DIAPH2: variants seen among roughly 807,000 people sequenced by gnomAD.
The protein encoded by DIAPH2 is protein diaphanous homolog 2.
DIAPH2 carries 35 observed loss-of-function variants against 92.7 expected under a neutral mutation model. The ratio of observed to expected loss-of-function variants is 0.38; its 90% CI spans 0.29 to 0.50. The LOEUF (loss-of-function observed/expected upper bound fraction) is 0.50, where lower values mean the gene tolerates loss of function less well. DIAPH2 is among the 20% of genes least tolerant of loss of function. The probability of loss-of-function intolerance (pLI) is 0.94; values close to 1 mark genes in which losing one functional copy is unlikely to be tolerated. For missense variants in DIAPH2, 701 were observed against 819.5 expected (o/e 0.86, Z 1.77); for synonymous variants, 301 against 280.4 (o/e 1.07, Z -0.73).
intron 23 of DIAPH2, among the ~76,000 whole-genome samples, chrX:97,297,076 CTTTTTTTTTTTTTTTT>C (rs57145821): frequency 8.7e-4 from 18 of 20,731 alleles, no homozygotes; most frequent in South Asian, 9.9e-3. Context: ...CAGGCCTGGC[CTTTTTTTTTTTTTTTT>C]TTTTTTTTTT....
chrX:97,500,014 G>A (rs1036195091), intron 26 of DIAPH2, among the ~76,000 whole-genome samples: 9 of 112,294 alleles, frequency 8.0e-5, no homozygotes, highest in Non-Finnish European at 9.4e-5. Context: ...ATATGGGCTA[G>A]CTGTTTGTTA....
At chrX:97,536,352 C>T (rs1186679187) in intron 26 of DIAPH2, among the ~76,000 whole-genome samples, 1 of 111,880 alleles carries the variant, frequency 8.9e-6, no homozygotes, top group Admixed American at 9.5e-5. Context: ...CACACTAGTA[C>T]TTCTGGCTCA....
chrX:96,764,874 G>A, intron 4 of DIAPH2, among the ~76,000 whole-genome samples: 1 of 111,239 alleles, frequency 9.0e-6, no homozygotes, highest in South Asian at 3.9e-4. Context: ...ACGAGTTTGG[G>A]GAGATAAGAG....
At chrX:96,864,083 C>T (rs1217906358) in intron 4 of DIAPH2, among the ~76,000 whole-genome samples, 1 of 110,931 alleles carries the variant, frequency 9.0e-6, no homozygotes, top group East Asian at 2.8e-4. Flanking sequence ...TTAATGGCTG[C>T]ATAATATTCC....
chrX:97,021,078 AGAT>A (rs746454062), intron 17 of DIAPH2, among the ~76,000 whole-genome samples: 1 of 112,531 alleles, frequency 8.9e-6, no homozygotes, highest in African/African-American at 3.2e-5. Flanking sequence ...TGGTTTCTTC[AGAT>A]GTTCTTAACT....
At chrX:96,876,868 C>A (rs1325961766) in intron 4 of DIAPH2, among the ~76,000 whole-genome samples, 1 of 110,328 alleles carries the variant, frequency 9.1e-6, no homozygotes, top group Non-Finnish European at 1.9e-5. Context: ...ATGTAACAAA[C>A]CTGCACGTTA....
chrX:97,227,420 AAT>A (rs1263771523), intron 22 of DIAPH2, among the ~76,000 whole-genome samples: 1 of 112,294 alleles, frequency 8.9e-6, no homozygotes, highest in Non-Finnish European at 1.9e-5. Flanking sequence ...ATTAGATAGT[AAT>A]ATGTTTGTTC....
intron 23 of DIAPH2, among the ~76,000 whole-genome samples, chrX:97,248,078 G>A (rs1456239088): frequency 8.9e-6 from 1 of 111,927 alleles, no homozygotes; most frequent in East Asian, 2.8e-4. Flanking sequence ...CCATTTGAAA[G>A]CCCACAGGAT....
chrX:97,406,820 A>G (rs189684727), intron 25 of DIAPH2, among the ~76,000 whole-genome samples: 31 of 111,757 alleles, frequency 2.8e-4, no homozygotes, highest in African/African-American at 8.7e-4. Flanking sequence ...TAGGTGAGCA[A>G]CTCATAAAAA....
intron 22 of DIAPH2, among the ~76,000 whole-genome samples, chrX:97,181,097 T>C (rs185960742): frequency 5.4e-5 from 6 of 111,014 alleles, no homozygotes; most frequent in African/African-American, 1.3e-4. Flanking sequence ...TTTGATGGGT[T>C]CTTGCTCTGT....
intron 4 of DIAPH2, among the ~76,000 whole-genome samples, chrX:96,835,679 T>G (rs1402971228): frequency 8.9e-6 from 1 of 112,485 alleles, no homozygotes; most frequent in African/African-American, 3.2e-5. Context: ...AGTAGAGATT[T>G]GCTTTTATCA....
intron 22 of DIAPH2, among the ~76,000 whole-genome samples, chrX:97,241,101 CA>C (rs1235201911): frequency 9.0e-6 from 1 of 111,570 alleles, no homozygotes; most frequent in Non-Finnish European, 1.9e-5. Context: ...GCTGGCCTTC[CA>C]GGCTCCAGAA....
intron 5 of DIAPH2, chrX:96,884,845 AGT>A (rs2147751632): frequency 8.3e-7 from 1 of 1,211,441 alleles, no homozygotes; most frequent in East Asian, 3.0e-5. Flanking sequence ...CACTGTAGAA[AGT>A]GTGCCTGTGT....
At chrX:96,932,583 CT>C (rs947865011) in intron 10 of DIAPH2, among the ~76,000 whole-genome samples, 1 of 110,693 alleles carries the variant, frequency 9.0e-6, no homozygotes. Context: ...CTATATAAAA[CT>C]TTTTGTGGTA....
At chrX:97,205,369 G>A (rs999400838) in intron 22 of DIAPH2, among the ~76,000 whole-genome samples, 1 of 111,408 alleles carries the variant, frequency 9.0e-6, no homozygotes, top group Non-Finnish European at 1.9e-5. Context: ...AAAGAAACTA[G>A]CATCAGAGTG....
At chrX:97,119,121 TA>T (rs914248616) in intron 21 of DIAPH2, among the ~76,000 whole-genome samples, 29 of 110,874 alleles carry the variant, frequency 2.6e-4, no homozygotes, top group Non-Finnish European at 9.4e-5. Flanking sequence ...GGGGGGGTGT[TA>T]AGGAACCTTG....
chrX:96,788,470 C>G (rs1450188143), intron 4 of DIAPH2, among the ~76,000 whole-genome samples: 1 of 111,841 alleles, frequency 8.9e-6, no homozygotes, highest in Non-Finnish European at 1.9e-5. Flanking sequence ...CTACAAGAAA[C>G]ATTTAAAGGG....
intron 4 of DIAPH2, among the ~76,000 whole-genome samples, chrX:96,808,865 T>G (rs1049525822): frequency 3.6e-5 from 4 of 111,849 alleles, no homozygotes; most frequent in Non-Finnish European, 7.5e-5. Flanking sequence ...TTAAATTACG[T>G]GATGCCAGAG....
At chrX:97,085,929 T>TGA (rs1472819690) in intron 19 of DIAPH2, among the ~76,000 whole-genome samples, 1 of 111,302 alleles carries the variant, frequency 9.0e-6, no homozygotes, top group African/African-American at 3.3e-5. Flanking sequence ...GATTAGTATA[T>TGA]GACAGCAGGC....
Sources: gnomAD v4.1 joint callset for allele counts (sites outside exome capture counted in the v4.1 genomes callset) on GRCh38, gnomAD v4.1.1 for gene constraint, MANE v1.5 for transcripts, NCBI Gene and HGNC (gene_info 2026-07-23, HGNC 2026-07-21) for gene names.